Variants in DLGAP5 observed in about 807,000 individuals in gnomAD.
DLGAP5 encodes the protein DLG associated protein 5, also known as disks large-associated protein 5.
In DLGAP5, 90 loss-of-function variants were observed where a neutral mutation model predicts 99.6. The observed-to-expected ratio is 0.90, with a 90% CI of 0.76 to 1.08. DLGAP5 has a LOEUF of 1.08. Ranked by LOEUF, DLGAP5 falls within the 50% of genes least tolerant of loss-of-function variation. DLGAP5 has a pLI of 0.00. For synonymous variants in DLGAP5, 311 were observed against 321.3 expected, an observed-to-expected ratio of 0.97 and a Z score of 0.34; for missense variants, 1,036 against 983.5, an observed-to-expected ratio of 1.05 and a Z score of -0.71.
intron 12 of DLGAP5, among the ~76,000 whole-genome samples, chr14:55,166,729 CA>C (rs963487818): frequency 4.3e-4 from 61 of 141,804 alleles, no homozygotes; most frequent in Admixed American, 4.2e-4. Flanking sequence ...AACTCCATCT[CA>C]AAAAAAAAAA....
chr14:55,151,850 T>C lies in DLGAP5; in HGVS notation c.2213A>G (p.Asn738Ser), dbSNP rs776265591. ...TGAAATTCCTTCTTTTTTGTTAGTATTAATATCATCTGCTACTCCACCAGC... is the reference window on the plus strand; with the variant it reads ...TGAAATTCCTTCTTTTTTGTTAGTACTAATATCATCTGCTACTCCACCAGC... ...LLAGGVADDINTNKKEGISDV... is the reference protein window; with the variant it reads ...LLAGGVADDISTNKKEGISDV... Residue 738 changes from asparagine (N) to serine (S), a missense_variant, in exon 17 of 19, where the codon AAT becomes AGT. Coordinates refer to ENST00000247191, the MANE Select transcript of DLGAP5 (RefSeq NM_014750.5). 3 of 1,613,904 alleles carry C rather than the reference T, an allele frequency of 1.9e-6. No individual in the cohort carries two copies.
intron 15 of DLGAP5, among the ~76,000 whole-genome samples, 189 bp downstream of exon 15, chr14:55,154,428 C>A (rs1044355126): frequency 1.3e-5 from 2 of 152,126 alleles, no homozygotes; most frequent in Non-Finnish European, 2.9e-5. Context: ...CTAAACGTGA[C>A]CATTTAGTAT....
At chr14:55,150,978 T>C in intron 17 of DLGAP5, 130 bp from the exon 18 acceptor site, 1 of 562,654 alleles carries the variant, frequency 1.8e-6, no homozygotes, top group Non-Finnish European at 3.1e-6. Context: ...TAGACCCCTA[T>C]GCTATAATGT....
intron 11 of DLGAP5, among the ~76,000 whole-genome samples, chr14:55,170,451 C>T (rs1882816699): frequency 2.0e-5 from 3 of 152,250 alleles, no homozygotes; most frequent in South Asian, 2.1e-4. Flanking sequence ...AAAGGAACGA[C>T]AGTCAATATT....
rs756082916 is a variant in DLGAP5, at chr14:55,177,091, A to G, written c.1020T>C (p.Ser340=). 6.6e-7 allele frequency: 1 copy of G among 1,517,106 alleles called. No homozygotes were observed. The highest frequency in any genetic ancestry group is 8.8e-7 in the Non-Finnish European group (1 of 1,137,804). The allele number at this position is 1,517,106 out of a possible 1,614,324, so 94.0% of individuals were successfully genotyped here. ...CTGTTTTTAAAGGAGTCCAGGTGTA[A>G]CTGGGTGTCAAAAAAGCATTGGCAC... ...PRSANAFLTP[S]YTWTPLKTEV... The change falls in exon 8 of 19, where the codon AGT becomes AGC. Residue 340 remains serine, a synonymous_variant. Transcript: ENST00000247191.
chr14:55,176,656 T>C (rs901017524), intron 8 of DLGAP5, among the ~76,000 whole-genome samples: 3 of 152,060 alleles, frequency 2.0e-5, no homozygotes, highest in Non-Finnish European at 4.4e-5. Flanking sequence ...TCACTAATAA[T>C]AACTTTTTAA....
intron 8 of DLGAP5, among the ~76,000 whole-genome samples, chr14:55,176,306 C>T (rs899842231): frequency 1.3e-5 from 2 of 152,110 alleles, no homozygotes; most frequent in African/African-American, 4.8e-5. Context: ...TGCTGCCAGC[C>T]AGTCTTTGCA....
At chr14:55,182,510 G>T in intron 3 of DLGAP5, 78 bp from the exon 4 acceptor site, 1 of 1,255,798 alleles carries the variant, frequency 8.0e-7, no homozygotes, top group Non-Finnish European at 1.1e-6. Context: ...ACAAAATAAA[G>T]TTCCCATTTT....
chr14:55,185,191 T>C (rs551365553), intron 2 of DLGAP5, among the ~76,000 whole-genome samples: 27 of 152,284 alleles, frequency 1.8e-4, no homozygotes, highest in African/African-American at 6.3e-4. Flanking sequence ...ATCTCTACTA[T>C]CAACACTTTT....
At chr14:55,152,396 GAT>G (rs1313966252) in intron 16 of DLGAP5, among the ~76,000 whole-genome samples, 192 bp downstream of exon 16, 2 of 152,146 alleles carry the variant, frequency 1.3e-5, no homozygotes, top group Non-Finnish European at 2.9e-5. Flanking sequence ...TATTCATTCT[GAT>G]ATGAGTTGAA....
At chr14:55,172,747 G>A (rs1348295513) in intron 10 of DLGAP5, among the ~76,000 whole-genome samples, 2 of 152,120 alleles carry the variant, frequency 1.3e-5, no homozygotes, top group Admixed American at 6.5e-5. Context: ...ACTTTGGGAG[G>A]CTGAGGCAAG....
Position 55,171,266 on chromosome 14 carries a change from A to G in DLGAP5, c.1302-479T>C, listed in dbSNP as rs1005329846. Among the ~76,000 whole-genome samples the G allele has an allele frequency of 2.6e-5, 4 of 152,136 alleles. No individual in the cohort carries two copies. In the East Asian group the frequency reaches 5.8e-4, roughly 22 times the overall value. On this transcript the variant is annotated intron_variant, in intron 10 of 18. Transcript: ENST00000247191. ...AAGGTAGTGGTTCTCAACTGGGTCA[A>G]TTTTGCCCCATTCTAGGGAACATTT...
intron 1 of DLGAP5, among the ~76,000 whole-genome samples, chr14:55,190,289 T>TACACACACACACACACACACACAAACAC: frequency 6.8e-6 from 1 of 147,416 alleles, no homozygotes; most frequent in African/African-American, 2.5e-5. Context: ...AGAAAAGCCA[T>TACACACACACACACACACACACAAACAC]ACACACACAC....
In DLGAP5 at chr14:55,177,302, G is replaced by C. The variant is rs763811289; in HGVS notation, c.809C>G (p.Thr270Ser). The C allele has an allele frequency of 3.1e-6, 5 of 1,606,834 alleles. No homozygotes were observed. In the South Asian group the frequency reaches 5.6e-5, roughly 18 times the overall value. ...TGTTGCATTAGTTTGTGAATTCAAA[G>C]TATTTTCTTCACTATCGACTTTACA... Reference protein sequence around the residue: ...ISCKVDSEENTLNSQTNATSG... With the variant: ...ISCKVDSEENSLNSQTNATSG... The change falls in exon 8 of 19, where the codon ACT becomes AGT. Residue 270 changes from threonine to serine, a missense_variant. Coordinates refer to ENST00000247191, the MANE Select transcript of DLGAP5 (RefSeq NM_014750.5).
chr14:55,174,269 C>T (rs954332102), intron 10 of DLGAP5, among the ~76,000 whole-genome samples: 1 of 152,156 alleles, frequency 6.6e-6, no homozygotes. Flanking sequence ...AGGAAATTCC[C>T]GCCTAATAAA....
chr14:55,155,717 A>G (rs1037520440), intron 14 of DLGAP5, among the ~76,000 whole-genome samples: 4 of 152,176 alleles, frequency 2.6e-5, no homozygotes, highest in African/African-American at 7.2e-5. Context: ...AACAATAACA[A>G]TATTTTGGAA....
chr14:55,176,742 G>C (rs980880382), intron 8 of DLGAP5, among the ~76,000 whole-genome samples: 2 of 151,994 alleles, frequency 1.3e-5, no homozygotes, highest in East Asian at 1.9e-4. Flanking sequence ...ACTTTGGGAG[G>C]CCGAGGCGGG....
At position 55,158,744 on chromosome 14, in the gene DLGAP5, G is replaced by A. The variant is rs1157600099; in HGVS notation, c.1654-3C>T. 3 of 1,610,066 alleles carry A rather than the reference G, an allele frequency of 1.9e-6. No homozygotes were observed. Among genetic ancestry groups the A allele is most frequent in the South Asian group, 1.1e-5 (1 of 90,816 alleles). ...GCTATACCTGAGACAACTTTTTTCT[G>A]CAAAGAGAAACTAACATAGTAAAGC... On this transcript the variant is annotated splice_polypyrimidine_tract_variant and splice_region_variant and intron_variant, in intron 13 of 18. Transcript: ENST00000247191.
Position 55,151,815 on chromosome 14 carries a change from C to T in DLGAP5, c.2248G>A (p.Glu750Lys), listed in dbSNP as rs779897612. 5 of 1,613,978 alleles carry T rather than the reference C, an allele frequency of 3.1e-6. No homozygotes were observed. Among genetic ancestry groups the T allele is most frequent in the Non-Finnish European group, 4.2e-6 (5 of 1,179,960 alleles). Residue 750 changes from glutamate (E) to lysine (K), a missense_variant, in exon 17 of 19, where the codon GAA (glutamate) becomes AAA (lysine). Coordinates refer to ENST00000247191, the MANE Select transcript of DLGAP5 (RefSeq NM_014750.5). ...NKKEGISDVVEGMELNSSITS... is the reference protein window; with the variant it reads ...NKKEGISDVVKGMELNSSITS... ...ATTGAAGAATTCAGTTCCATTCCTT[C>T]CACAACATCTGAAATTCCTTCTTTT...
Sources: allele counts gnomAD v4.1 joint callset (sites outside exome capture counted in the v4.1 genomes callset), GRCh38; gene constraint gnomAD v4.1.1; transcripts MANE v1.5; gene names NCBI Gene and HGNC (gene_info 2026-07-23, HGNC 2026-07-21).